Variants in SAMD12 observed in about 807,000 individuals in gnomAD.
The protein encoded by SAMD12 is sterile alpha motif domain containing 12.
In SAMD12, 9 loss-of-function variants were observed where a neutral mutation model predicts 15.0. That is an observed-to-expected ratio of 0.60 (90% CI 0.36 to 1.05). The LOEUF is 1.05. Among genes scored for constraint, SAMD12 ranks in the 50% least tolerant of loss-of-function variants. The pLI is 0.01. For synonymous variants in SAMD12, 86 were observed against 90.1 expected (o/e 0.96, Z 0.25); for missense variants, 230 against 234.2 (o/e 0.98, Z 0.12).
chr8:118,548,553 T>C (rs1182265966), intron 2 of SAMD12, among the ~76,000 whole-genome samples: 1 of 152,202 alleles, frequency 6.6e-6, no homozygotes, highest in African/African-American at 2.4e-5. Flanking sequence ...GGAGCCAAGA[T>C]GGCCGAATAG....
chr8:118,448,332 C>T, intron 2 of SAMD12, among the ~76,000 whole-genome samples: 1 of 152,220 alleles, frequency 6.6e-6, no homozygotes, highest in East Asian at 1.9e-4. Flanking sequence ...TATCATCTAA[C>T]ACACTATACA....
intron 2 of SAMD12, among the ~76,000 whole-genome samples, chr8:118,493,576 T>G (rs1035539759): frequency 1.3e-5 from 2 of 152,180 alleles, no homozygotes; most frequent in Non-Finnish European, 2.9e-5. Context: ...ACTTTGCAAA[T>G]GTGATCAAGG....
At chr8:118,396,837 T>C (rs1457660163) in intron 3 of SAMD12, among the ~76,000 whole-genome samples, 1 of 152,180 alleles carries the variant, frequency 6.6e-6, no homozygotes, top group Non-Finnish European at 1.5e-5. Flanking sequence ...CCATAGTTTA[T>C]GGTGGTTTCT....
intron 2 of SAMD12, among the ~76,000 whole-genome samples, chr8:118,476,886 C>A (rs762987498): frequency 6.6e-6 from 1 of 152,114 alleles, no homozygotes; most frequent in Non-Finnish European, 1.5e-5. Context: ...TTGAGCAATG[C>A]CCACTGTCTC....
At chr8:118,259,679 A>T (rs914005409) in intron 4 of SAMD12, among the ~76,000 whole-genome samples, 11 of 152,016 alleles carry the variant, frequency 7.2e-5, no homozygotes, top group Admixed American at 5.9e-4. Context: ...TTTGATTTTC[A>T]TGATTACCTC....
At chr8:118,511,984 C>A (rs1480824480) in intron 2 of SAMD12, among the ~76,000 whole-genome samples, 1 of 152,074 alleles carries the variant, frequency 6.6e-6, no homozygotes, top group Non-Finnish European at 1.5e-5. Flanking sequence ...ATAAGTAAAT[C>A]AATCAATCAA....
rs1333489215 is a variant in SAMD12, at chr8:118,551,774, C to T, written c.192+28941G>A. 6.3e-3 allele frequency among the ~76,000 whole-genome samples: 939 copies of T among 149,268 alleles called. 3 individuals are homozygous for T. Among genetic ancestry groups the T allele is most frequent in the African/African-American group, 0.021 (849 of 39,578 alleles). On this transcript the variant is annotated intron_variant, in intron 2 of 3. Coordinates refer to ENST00000314727, the MANE Select transcript of SAMD12 (RefSeq NM_207506.3). ...GAAAGGATCAACAAAATTGATAGACCGCTAGCAAGACTAATAAAGAAAAAA... is the reference window on the plus strand; with the variant it reads ...GAAAGGATCAACAAAATTGATAGACTGCTAGCAAGACTAATAAAGAAAAAA...
At chr8:118,388,691 T>G (rs1820095094) in intron 3 of SAMD12, among the ~76,000 whole-genome samples, 1 of 137,312 alleles carries the variant, frequency 7.3e-6, no homozygotes, top group Non-Finnish European at 1.7e-5. Context: ...CAGACCAGAA[T>G]ATCTACATTT....
chr8:118,286,125 C>T (rs1813984732), intron 4 of SAMD12, among the ~76,000 whole-genome samples: 1 of 141,466 alleles, frequency 7.1e-6, no homozygotes, highest in East Asian at 2.1e-4. Flanking sequence ...AATGAGAACA[C>T]TTGGACACAG....
chr8:118,308,976 T>C (rs1563752036), intron 4 of SAMD12, among the ~76,000 whole-genome samples: 1 of 152,208 alleles, frequency 6.6e-6, no homozygotes, highest in Non-Finnish European at 1.5e-5. Flanking sequence ...AAGATCTTTC[T>C]TGATTCCTAA....
intron 2 of SAMD12, among the ~76,000 whole-genome samples, chr8:118,466,512 C>T (rs1006264832): frequency 6.6e-6 from 1 of 152,146 alleles, no homozygotes; most frequent in Non-Finnish European, 1.5e-5. Context: ...CCTCCATGTC[C>T]AGCCTATAGT....
chr8:118,569,765 T>A lies in SAMD12; in HGVS notation c.192+10950A>T, dbSNP rs189441315. Among the ~76,000 whole-genome samples, 1,330 of 152,320 alleles carry A rather than the reference T, an allele frequency of 8.7e-3. 57 individuals carry two copies. The highest frequency in any genetic ancestry group is 0.074 in the Admixed American group (1,127 of 15,288). On this transcript the variant is annotated intron_variant, in intron 2 of 3. Transcript: ENST00000314727. Reference sequence around the variant, plus strand: ...GGAACTGACTCAGCTGGCACCTTGATCTTGGATTTCCCAGCCTTCAAAACT... The same window carrying A: ...GGAACTGACTCAGCTGGCACCTTGAACTTGGATTTCCCAGCCTTCAAAACT...
chr8:118,387,339 T>C (rs190459158), intron 3 of SAMD12, among the ~76,000 whole-genome samples: 4 of 152,294 alleles, frequency 2.6e-5, no homozygotes, highest in Admixed American at 2.6e-4. Flanking sequence ...AGAATGACCA[T>C]GAGAGTCAAA....
the SAMD12 span, among the ~76,000 whole-genome samples, chr8:118,156,598 C>G: frequency 6.6e-6 from 1 of 152,184 alleles, no homozygotes; most frequent in South Asian, 2.1e-4. Flanking sequence ...TCTTATATGT[C>G]CCAGGATATC....
chr8:118,214,957 G>C (rs1268828242), intron 4 of SAMD12, among the ~76,000 whole-genome samples: 1 of 152,202 alleles, frequency 6.6e-6, no homozygotes, highest in Non-Finnish European at 1.5e-5. Context: ...GTTAAACAAG[G>C]GGGCTAAGCT....
intron 2 of SAMD12, among the ~76,000 whole-genome samples, chr8:118,443,429 G>C (rs1300277991): frequency 6.6e-6 from 1 of 152,016 alleles, no homozygotes; most frequent in African/African-American, 2.4e-5. Context: ...TTGTACACCA[G>C]CCTGGGTGAC....
intron 2 of SAMD12, among the ~76,000 whole-genome samples, chr8:118,554,192 C>T (rs190228918): frequency 2.6e-5 from 4 of 152,266 alleles, no homozygotes; most frequent in East Asian, 1.9e-4. Flanking sequence ...GGTATATACC[C>T]AAAGGCCTAT....
intron 2 of SAMD12, among the ~76,000 whole-genome samples, chr8:118,529,674 C>G (rs968980825): frequency 6.6e-6 from 1 of 152,156 alleles, no homozygotes; most frequent in Non-Finnish European, 1.5e-5. Flanking sequence ...AGTTATGTCA[C>G]TTAGACTATG....
rs140496302 is a variant in SAMD12 at position 118,440,079 on chromosome 8, A to G, written c.193-118T>C. ...CTGGATTCCCTGAAGATAAATATCTAGTTCTTGTCTTTCTCCTAACCTCTG... is the reference window on the plus strand; with the variant it reads ...CTGGATTCCCTGAAGATAAATATCTGGTTCTTGTCTTTCTCCTAACCTCTG... On this transcript the variant is annotated intron_variant, in intron 2 of 3. Coordinates refer to ENST00000314727, the MANE Select transcript of SAMD12 (RefSeq NM_207506.3). The G allele has an allele frequency of 7.6e-3, 7,559 of 990,386 alleles. 43 individuals carry two copies. Among genetic ancestry groups the G allele is most frequent in the Middle Eastern group, 0.01 (42 of 4,126 alleles). 61.3% of individuals were successfully genotyped at this position (990,386 alleles called of 1,614,324 possible).
Sources: allele counts gnomAD v4.1 joint callset (sites outside exome capture counted in the v4.1 genomes callset), GRCh38; gene constraint gnomAD v4.1.1; transcripts MANE v1.5; gene names NCBI Gene and HGNC (gene_info 2026-07-23, HGNC 2026-07-21).